The following NEDD4L variants were observed in gnomAD, a reference collection of about 807,000 sequenced individuals.
NEDD4L encodes the protein E3 ubiquitin-protein ligase NEDD4-like.
A neutral mutation model predicts 148.9 loss-of-function variants in NEDD4L; 54 were observed. That is an observed-to-expected ratio of 0.36 (90% confidence interval 0.29 to 0.45). The LOEUF is 0.45. Ranked by LOEUF, NEDD4L falls within the 20% of genes least tolerant of loss-of-function variation. NEDD4L has a pLI of 1.00. For missense variants in NEDD4L, 856 were observed against 1,233.8 expected, an observed-to-expected ratio of 0.69 and a Z score of 4.59; for synonymous variants, 433 against 440.7, an observed-to-expected ratio of 0.98 and a Z score of 0.22.
At chr18:58,281,239 A>G (rs987063521) in intron 5 of NEDD4L, among the ~76,000 whole-genome samples, 1 of 151,980 alleles carries the variant, frequency 6.6e-6, no homozygotes, top group African/African-American at 2.4e-5. Context: ...TGGCCTCCCA[A>G]ACTGCTGGGA....
At chr18:58,187,248 A>C (rs557098789) in intron 2 of NEDD4L, among the ~76,000 whole-genome samples, 1 of 152,334 alleles carries the variant, frequency 6.6e-6, no homozygotes, top group East Asian at 1.9e-4. Context: ...TGGAGAACCC[A>C]GAAAAACTTT....
chr18:58,088,701 G>T (rs990284785), intron 1 of NEDD4L, among the ~76,000 whole-genome samples: 4 of 152,156 alleles, frequency 2.6e-5, no homozygotes, highest in Non-Finnish European at 4.4e-5. Flanking sequence ...AATATTTAGA[G>T]AACTTTTTTT....
intron 10 of NEDD4L, 95 bp downstream of exon 10, chr18:58,329,222 A>C: frequency 7.5e-7 from 1 of 1,333,614 alleles, no homozygotes. Context: ...GTCAGTAAAC[A>C]TTGTTGAGAA....
rs1400217101 is a variant in NEDD4L at position 58,386,672 on chromosome 18, A to C, written c.2488-767A>C. ...TTAGTTACCTCAAAGATCACACAGG[A>C]AACAGCCTCGTGTCCACGTGACTGA... On this transcript the variant is annotated intron_variant, in intron 26 of 30. Transcript: ENST00000400345. 3.3e-5 allele frequency among the ~76,000 whole-genome samples: 5 copies of C among 152,320 alleles called. No individual in the cohort carries two copies. In the East Asian group the frequency reaches 9.7e-4, roughly 29 times the overall value.
chr18:58,329,072 G>C lies in NEDD4L; in HGVS notation c.758G>C (p.Arg253Thr). Residue 253 changes from arginine to threonine, a missense_variant, in exon 10 of 31, where the codon AGG becomes ACG. Around this residue, in one of 4 missense-constraint regions of NEDD4L, gnomAD observed 367 missense variants for 422.7 expected, o/e 0.87. Transcript: ENST00000400345. ...EAAHRRFRSRRHISEDLEPEP... is the reference protein window; with the variant it reads ...EAAHRRFRSRTHISEDLEPEP... ...GCACACCGGCGCTTCCGCTCCCGCA[G>C]GCACATCAGCGAAGACTTGGAGCCC... is the stretch of plus-strand genomic sequence containing the variant. 6.2e-7 allele frequency: 1 copy of C among 1,614,046 alleles called. No homozygotes were observed. Among genetic ancestry groups the C allele is most frequent in the Non-Finnish European group, 8.5e-7 (1 of 1,179,894 alleles).
intron 1 of NEDD4L, among the ~76,000 whole-genome samples, chr18:58,107,956 G>A (rs2085173512): frequency 6.6e-6 from 1 of 152,080 alleles, no homozygotes; most frequent in Non-Finnish European, 1.5e-5. Flanking sequence ...CTGGGCTCAA[G>A]CAATCCTCCT....
At chr18:58,083,551 G>A (rs2083578393) in intron 1 of NEDD4L, among the ~76,000 whole-genome samples, 2 of 152,104 alleles carry the variant, frequency 1.3e-5, no homozygotes, top group African/African-American at 2.4e-5. Context: ...AGCCGGGCGT[G>A]GTGGCGGGTG....
chr18:58,328,210 C>T (rs545723082), intron 9 of NEDD4L, among the ~76,000 whole-genome samples: 24 of 152,286 alleles, frequency 1.6e-4, no homozygotes, highest in South Asian at 4.1e-4. Context: ...AGTGATCCGC[C>T]CGCCTTGGCC....
rs778823131 is a variant in NEDD4L at position 58,322,466 on chromosome 18, C to T, written c.390C>T (p.Asp130=). Residue 130 remains aspartate, a synonymous_variant, in exon 7 of 31, where the codon GAC becomes GAT. Coordinates refer to ENST00000400345, the MANE Select transcript of NEDD4L (RefSeq NM_001144967.3). ...TGGAGCGACCCTATACATTTAAGGA[C>T]TTTCTCCTCAGACCAAGAAGGTGAG... ...PTMERPYTFK[D]FLLRPRSHKS... is the part of the protein sequence containing the mutation. 35 of 1,455,296 alleles carry T rather than the reference C, an allele frequency of 2.4e-5. No individual in the cohort carries two copies. Among genetic ancestry groups the T allele is most frequent in the Non-Finnish European group, 3.2e-5 (34 of 1,072,202 alleles). 90.1% of individuals were successfully genotyped at this position (1,455,296 alleles called of 1,614,324 possible).
At chr18:58,354,693 T>G (rs1215733517) in intron 18 of NEDD4L, among the ~76,000 whole-genome samples, 1 of 152,184 alleles carries the variant, frequency 6.6e-6, no homozygotes, top group Non-Finnish European at 1.5e-5. Flanking sequence ...TAACACACAG[T>G]CCCTGTCCTT....
intron 1 of NEDD4L, among the ~76,000 whole-genome samples, chr18:58,093,140 T>G (rs936436529): frequency 3.9e-5 from 6 of 152,270 alleles, no homozygotes; most frequent in African/African-American, 1.4e-4. Context: ...GTAATATGAG[T>G]GTCACTTAGG....
intron 2 of NEDD4L, among the ~76,000 whole-genome samples, chr18:58,241,132 C>G (rs138353130): frequency 3.0e-4 from 45 of 152,308 alleles, no homozygotes; most frequent in African/African-American, 1.0e-3. Context: ...TTATTAAGTG[C>G]TCACTATACT....
chr18:58,164,176 C>G (rs1473082442), intron 1 of NEDD4L, among the ~76,000 whole-genome samples: 2 of 149,690 alleles, frequency 1.3e-5, no homozygotes, highest in Non-Finnish European at 3.0e-5. Context: ...CTGCCTGACA[C>G]TGGAGTCCCT....
rs1169683132 is a variant in NEDD4L, at chr18:58,186,025, ATACAGAGAAGGATACGTATGCACACGCG to A, written c.122+20165_122+20192del. ...ATGCAACAGATACATATGCACACGC[ATACAGAGAAGGATACGTATGCACACGCG>A]CACAGAGAAGGATACATATGCACAC... On this transcript the variant is annotated intron_variant, in intron 2 of 30. Coordinates refer to ENST00000400345, the MANE Select transcript of NEDD4L (RefSeq NM_001144967.3). 1.4e-4 allele frequency among the ~76,000 whole-genome samples: 21 copies of A among 151,582 alleles called. No individual in the cohort carries two copies. In the East Asian group the frequency reaches 4.0e-3, roughly 29 times the overall value.
At chr18:58,056,675 G>C (rs377450762) in intron 1 of NEDD4L, among the ~76,000 whole-genome samples, 2 of 151,954 alleles carry the variant, frequency 1.3e-5, no homozygotes, top group African/African-American at 4.8e-5. Context: ...CCACCTCCTG[G>C]GTTTAAGCGA....
intron 2 of NEDD4L, among the ~76,000 whole-genome samples, chr18:58,183,970 C>A (rs530513081): frequency 1.3e-5 from 2 of 152,270 alleles, no homozygotes; most frequent in South Asian, 2.1e-4. Context: ...GAGATCAAGG[C>A]CATCCTGGCT....
intron 1 of NEDD4L, among the ~76,000 whole-genome samples, chr18:58,125,815 A>G (rs1217767626): frequency 6.6e-6 from 1 of 152,256 alleles, no homozygotes; most frequent in East Asian, 1.9e-4. Context: ...TCAAGTATTT[A>G]ACAGTCTTTT....
chr18:58,320,240 A>G (rs1003407371), intron 6 of NEDD4L, among the ~76,000 whole-genome samples: 5 of 152,220 alleles, frequency 3.3e-5, no homozygotes, highest in Middle Eastern at 3.4e-3. Context: ...TCCTATGTTT[A>G]AACTGTCCTT....
intron 5 of NEDD4L, among the ~76,000 whole-genome samples, chr18:58,293,889 A>C (rs2055144342): frequency 6.6e-6 from 1 of 151,926 alleles, no homozygotes; most frequent in South Asian, 2.1e-4. Flanking sequence ...TGCCTGACTA[A>C]TTATTGTATT....
Sources: gnomAD v4.1 joint callset for allele counts (sites outside exome capture counted in the v4.1 genomes callset) on GRCh38, gnomAD v4.1.1 for gene constraint, gnomAD v4.1.1 regional missense constraint, MANE v1.5 for transcripts, NCBI Gene and HGNC (gene_info 2026-07-23, HGNC 2026-07-21) for gene names.